Variants in CTTNBP2 observed in about 807,000 individuals in gnomAD.
CTTNBP2 encodes cortactin binding protein 2.
Under a neutral mutation model 156.9 loss-of-function variants are expected in CTTNBP2, and 108 were observed. The observed-to-expected ratio is 0.69, with a 90% CI of 0.59 to 0.81. The LOEUF (loss-of-function observed/expected upper bound fraction) is 0.81. CTTNBP2 is among the 30% of genes least tolerant of loss of function. CTTNBP2 has a pLI of 0.00. For synonymous variants in CTTNBP2, 767 were observed against 751.8 expected, an observed-to-expected ratio of 1.02 and a Z score of -0.33; for missense variants, 1,924 against 2,035.4, an observed-to-expected ratio of 0.95 and a Z score of 1.05.
At chr7:117,781,721 A>G (rs1798447401) in intron 6 of CTTNBP2, among the ~76,000 whole-genome samples, 1 of 152,246 alleles carries the variant, frequency 6.6e-6, no homozygotes, top group African/African-American at 2.4e-5. Flanking sequence ...CTGGCGACAG[A>G]GCAAGACTCC....
At chr7:117,869,098 G>A (rs893311519) in intron 1 of CTTNBP2, among the ~76,000 whole-genome samples, 11 of 152,124 alleles carry the variant, frequency 7.2e-5, no homozygotes, top group African/African-American at 1.2e-4. Context: ...TTTGAAAAGC[G>A]AGAATCTAAA....
rs775184748 is a variant in CTTNBP2 at position 117,792,739 on chromosome 7, G to A, written c.457C>T (p.His153Tyr). The A allele has an allele frequency of 2.5e-6, 4 of 1,603,962 alleles. No individual in the cohort carries two copies. The highest frequency in any genetic ancestry group is 3.4e-6 in the Non-Finnish European group (4 of 1,175,492). Reference protein sequence around the residue: ...KLQLQALEQEHKKLAARLEEE... With the variant: ...KLQLQALEQEYKKLAARLEEE... ...TCAAGGCGGGCAGCCAGCTTCTTGTGCTCTTGCTCAAGGGCTTGTAGCTGA... is the reference window on the plus strand; with the variant it reads ...TCAAGGCGGGCAGCCAGCTTCTTGTACTCTTGCTCAAGGGCTTGTAGCTGA... The change falls in exon 4 of 23, where the codon CAC (histidine) becomes TAC (tyrosine). Residue 153 changes from histidine (H) to tyrosine (Y), a missense_variant. By Grantham distance (83) the His-to-Tyr change is moderately conservative. Transcript: ENST00000160373. This position sits in a 1 kb window ranked among gnomAD's most constrained non-coding sequence, Gnocchi z 4.2.
intron 14 of CTTNBP2, among the ~76,000 whole-genome samples, chr7:117,740,303 T>C (rs1409548068): frequency 3.3e-5 from 5 of 151,548 alleles, no homozygotes; most frequent in Admixed American, 6.6e-5. Flanking sequence ...TTTAAAATAC[T>C]TTTGCTACTC....
In CTTNBP2 at chr7:117,792,306, G is replaced by T; in HGVS notation, c.890C>A (p.Thr297Lys). ...DRRLVSISVGTEGTVTRSVAC... is the reference protein window; with the variant it reads ...DRRLVSISVGKEGTVTRSVAC... ...AACAGACCTTGTCACAGTTCCTTCT[G>T]TTCCCACAGATATGGAAACCAAACG... is the stretch of plus-strand genomic sequence containing the variant. Residue 297 changes from threonine to lysine, a missense_variant, in exon 4 of 23, where the codon ACA becomes AAA. By Grantham distance (78) the Thr-to-Lys change is moderately conservative (BLOSUM62 -1). Coordinates refer to ENST00000160373, the MANE Select transcript of CTTNBP2 (RefSeq NM_033427.3). This position sits in a 1 kb window ranked among gnomAD's most constrained non-coding sequence, Gnocchi z 4.2. 6.2e-7 allele frequency: 1 copy of T among 1,614,216 alleles called. No individual in the cohort carries two copies. Among genetic ancestry groups the T allele is most frequent in the Non-Finnish European group, 8.5e-7 (1 of 1,180,030 alleles).
chr7:117,718,601 A>G (rs1224177364), intron 21 of CTTNBP2, among the ~76,000 whole-genome samples: 2 of 152,176 alleles, frequency 1.3e-5, no homozygotes, highest in Non-Finnish European at 2.9e-5. Flanking sequence ...AGCTCGGTGA[A>G]ACCTGCTGCA....
chr7:117,737,309 T>C lies in CTTNBP2; in HGVS notation c.3536-1888A>G, dbSNP rs115368672. Among the ~76,000 whole-genome samples, 1,111 of 152,306 alleles carry C rather than the reference T, an allele frequency of 7.3e-3. 12 individuals are homozygous for C. Among genetic ancestry groups the C allele is most frequent in the African/African-American group, 0.024 (995 of 41,562 alleles). ...TAACAAACATTTTTAATTCAGCGAT[T>C]AAAAAAACACACAGGATTGATGGTT... On this transcript the variant is annotated intron_variant, in intron 14 of 22. Coordinates refer to ENST00000160373, the MANE Select transcript of CTTNBP2 (RefSeq NM_033427.3).
chr7:117,799,088 G>A (rs1219126394), intron 3 of CTTNBP2, among the ~76,000 whole-genome samples: 1 of 151,216 alleles, frequency 6.6e-6, no homozygotes, highest in East Asian at 1.9e-4. Context: ...CTGTACTGAT[G>A]TTCTAGAAAA....
At chr7:117,870,368 G>A (rs1342611165) in intron 1 of CTTNBP2, among the ~76,000 whole-genome samples, 5 of 152,116 alleles carry the variant, frequency 3.3e-5, no homozygotes, top group South Asian at 2.1e-4. Context: ...AACGCTTAGC[G>A]CAATTGGCTA....
At chr7:117,809,790 T>C (rs10226236) in intron 3 of CTTNBP2, among the ~76,000 whole-genome samples, 79,485 of 152,090 alleles carry the variant, frequency 0.52, 23,879 homozygotes, top group East Asian at 0.97. Context: ...GTATAGTGCA[T>C]TCAGGTTAAC....
At chr7:117,789,095 G>A (rs1798856368) in intron 4 of CTTNBP2, among the ~76,000 whole-genome samples, 1 of 152,086 alleles carries the variant, frequency 6.6e-6, no homozygotes, top group Non-Finnish European at 1.5e-5. Context: ...TCCTAGGGCA[G>A]GATATCCTGG....
chr7:117,715,259 G>A (rs1465600865), intron 22 of CTTNBP2, among the ~76,000 whole-genome samples: 1 of 151,992 alleles, frequency 6.6e-6, no homozygotes, highest in Non-Finnish European at 1.5e-5. Context: ...TAAATTACAT[G>A]TAAAAAAGGA....
At chr7:117,773,302 C>T (rs1797890499) in intron 8 of CTTNBP2, among the ~76,000 whole-genome samples, 1 of 152,192 alleles carries the variant, frequency 6.6e-6, no homozygotes, top group Non-Finnish European at 1.5e-5. Flanking sequence ...TCATGGATAC[C>T]TCCTGGAGGA....
chr7:117,766,369 T>C (rs1797485513), intron 9 of CTTNBP2, among the ~76,000 whole-genome samples: 1 of 152,260 alleles, frequency 6.6e-6, no homozygotes, highest in Non-Finnish European at 1.5e-5. Flanking sequence ...ATATGCTTCC[T>C]TACCATTCTG....
Position 117,711,380 on chromosome 7 carries a change from A to C in CTTNBP2, c.*157T>G. 1.3e-6 allele frequency: 1 copy of C among 783,074 alleles called. No homozygotes were observed. Among genetic ancestry groups the C allele is most frequent in the South Asian group, 2.6e-5 (1 of 38,946 alleles). The allele number at this position is 783,074 out of a possible 1,614,324, so 48.5% of individuals were successfully genotyped here. ...AAAAAGCAACAAAATGTTGGTTATAAATACATTCTTTACAAAAAAAAATTG... is the reference window on the plus strand; with the variant it reads ...AAAAAGCAACAAAATGTTGGTTATACATACATTCTTTACAAAAAAAAATTG... On this transcript the variant is annotated 3_prime_UTR_variant, in exon 23 of 23. Coordinates refer to ENST00000160373, the MANE Select transcript of CTTNBP2 (RefSeq NM_033427.3).
At position 117,817,375 on chromosome 7, in the gene CTTNBP2, T is replaced by A. The variant is rs1373660926; in HGVS notation, c.190-6386A>T. Reference sequence around the variant, plus strand: ...AAAAAAAAAAAAATATATATATATATATATATATATATAATTTCATCAGAA... The same window carrying A: ...AAAAAAAAAAAAATATATATATATAAATATATATATATAATTTCATCAGAA... On this transcript the variant is annotated intron_variant, in intron 2 of 22. Coordinates refer to ENST00000160373, the MANE Select transcript of CTTNBP2 (RefSeq NM_033427.3). Among the ~76,000 whole-genome samples, 86 of 116,126 alleles carry A rather than the reference T, an allele frequency of 7.4e-4. 6 individuals are homozygous for A. The highest frequency in any genetic ancestry group is 9.4e-4 in the Non-Finnish European group (52 of 55,174). The allele number at this position is 116,126 out of a possible 152,430, so 76.2% of individuals were successfully genotyped here.
chr7:117,719,654 A>G lies in CTTNBP2; in HGVS notation c.4512-18T>C. On this transcript the variant is annotated intron_variant, in intron 20 of 22. Transcript: ENST00000160373. ...CTAAAGACCTAACACAAAGTTCAGA[A>G]AAACGTTTTTCAAAGTGAGAACAAT... is the stretch of plus-strand genomic sequence containing the variant. The G allele has an allele frequency of 1.3e-6, 2 of 1,598,180 alleles. No individual in the cohort carries two copies. The highest frequency in any genetic ancestry group is 2.2e-5 in the South Asian group (2 of 89,100).
intron 2 of CTTNBP2, among the ~76,000 whole-genome samples, chr7:117,859,829 G>A (rs1419529092): frequency 6.6e-6 from 1 of 152,106 alleles, no homozygotes; most frequent in African/African-American, 2.4e-5. Context: ...ATTTTTCTGT[G>A]GCAATTTGTT....
Position 117,780,562 on chromosome 7 carries a change from G to C in CTTNBP2, c.2402C>G (p.Ala801Gly). ...ECVELLISYD[A>G]NINHAADGGQ... ...TCCATCAGCAGCATGATTAATGTTA[G>C]CATCATATGAAATTAATAATTCTAC... Residue 801 changes from alanine to glycine, a missense_variant, in exon 7 of 23, where the codon GCT (alanine) becomes GGT (glycine). Coordinates refer to ENST00000160373, the MANE Select transcript of CTTNBP2 (RefSeq NM_033427.3). 1.3e-6 allele frequency: 2 copies of C among 1,588,432 alleles called. No homozygotes were observed. Among genetic ancestry groups the C allele is most frequent in the Non-Finnish European group, 1.7e-6 (2 of 1,167,448 alleles).
Position 117,861,280 on chromosome 7 carries a change from C to G in CTTNBP2, c.118G>C (p.Glu40Gln). Residue 40 changes from glutamate to glutamine, a missense_variant, in exon 2 of 23, where the codon GAG becomes CAG. Glu to Gln is a conservative substitution (Grantham distance 29, BLOSUM62 2). Coordinates refer to ENST00000160373, the MANE Select transcript of CTTNBP2 (RefSeq NM_033427.3). ...EFDVDTLSKSELRMLLSVMEG... is the reference protein window; with the variant it reads ...EFDVDTLSKSQLRMLLSVMEG... ...ATCACGCTGAGGAGCATCCGCAGCT[C>G]GGATTTACTGAGAGTATCCACATCA... 1 of 1,613,510 alleles carries G rather than the reference C, an allele frequency of 6.2e-7. No homozygotes were observed.
Sources: allele counts gnomAD v4.1 joint callset (sites outside exome capture counted in the v4.1 genomes callset), GRCh38; gene constraint gnomAD v4.1.1; non-coding constraint Gnocchi (gnomAD v3.1); transcripts MANE v1.5; gene names NCBI Gene and HGNC (gene_info 2026-07-23, HGNC 2026-07-21).